TMEM128: variants seen among roughly 807,000 people sequenced by gnomAD.
TMEM128 encodes transmembrane protein 128.
Under a neutral mutation model 19.7 loss-of-function variants are expected in TMEM128, and 16 were observed. The observed-to-expected ratio is 0.81, with a 90% CI of 0.55 to 1.23. The LOEUF (loss-of-function observed/expected upper bound fraction) is 1.23. Ranked by LOEUF, TMEM128 falls within the 50% of genes most tolerant of loss-of-function variation. The pLI is 0.00. For missense variants in TMEM128, 237 were observed against 200.8 expected (o/e 1.18, Z -1.09); for synonymous variants, 98 against 75.8 (o/e 1.29, Z -1.52).
chr4:4,241,768 C>T (rs566598869), intron 2 of TMEM128, among the ~76,000 whole-genome samples: 66 of 152,314 alleles, frequency 4.3e-4, no homozygotes, highest in South Asian at 3.9e-3. Flanking sequence ...AATTACCTAA[C>T]CTCCGTGTGT....
intron 3 of TMEM128, among the ~76,000 whole-genome samples, chr4:4,239,422 T>C (rs2108815782): frequency 6.6e-6 from 1 of 152,166 alleles, no homozygotes; most frequent in African/African-American, 2.4e-5. Flanking sequence ...ACTATAAGGA[T>C]CCACTGAAAA....
At position 4,235,607 on chromosome 4, in the gene TMEM128, T is replaced by G. The variant is rs1717685485; in HGVS notation, c.*659A>C. 6.6e-6 allele frequency: 1 copy of G among 152,630 alleles called. No homozygotes were observed. Among genetic ancestry groups the G allele is most frequent in the Non-Finnish European group, 1.5e-5 (1 of 68,038 alleles). 9.5% of individuals were successfully genotyped at this position (152,630 alleles called of 1,614,324 possible). A position where few individuals can be genotyped will look rare whatever the true frequency, so the allele number is the denominator to read the frequency against. On this transcript the variant is annotated 3_prime_UTR_variant, in exon 5 of 5. Transcript: ENST00000382753. ...ATGTATACTTAAAAGTGATTAAAAC[T>G]TCACATTAGGAAATGCTAAAAACCC...
chr4:4,240,698 T>A (rs1463600969), intron 2 of TMEM128, among the ~76,000 whole-genome samples: 2 of 152,324 alleles, frequency 1.3e-5, no homozygotes, highest in African/African-American at 4.8e-5. Flanking sequence ...AAAGTAAGAC[T>A]TGAAATACAT....
At chr4:4,245,751 GATAT>G (rs965332344) in intron 2 of TMEM128, among the ~76,000 whole-genome samples, 1 of 151,336 alleles carries the variant, frequency 6.6e-6, no homozygotes. Flanking sequence ...GTGATGACTT[GATAT>G]ATATATACAC....
At chr4:4,244,509 C>T (rs1253661750) in intron 2 of TMEM128, among the ~76,000 whole-genome samples, 2 of 152,120 alleles carry the variant, frequency 1.3e-5, no homozygotes, top group Admixed American at 1.3e-4. Flanking sequence ...GTATCCATCC[C>T]TCTTTTCCCA....
At chr4:4,239,742 C>T (rs952397970) in intron 3 of TMEM128, among the ~76,000 whole-genome samples, 3 of 152,138 alleles carry the variant, frequency 2.0e-5, no homozygotes, top group Non-Finnish European at 2.9e-5. Context: ...TCACTGTTCC[C>T]GGCGACAATA....
intron 2 of TMEM128, among the ~76,000 whole-genome samples, chr4:4,242,541 G>A (rs11732870): frequency 0.31 from 46,800 of 150,126 alleles, 7,846 homozygotes; most frequent in East Asian, 0.46. Flanking sequence ...TTTTTGAGAC[G>A]GAGTCTCGCT....
At chr4:4,240,591 A>G in intron 2 of TMEM128, 112 bp from the exon 3 acceptor site, 14 of 1,203,788 alleles carry the variant, frequency 1.2e-5, no homozygotes, top group Non-Finnish European at 1.6e-5. Context: ...CAAGTGTTGC[A>G]GAGGGAGCCA....
intron 2 of TMEM128, 104 bp downstream of exon 2, chr4:4,246,098 G>A: frequency 8.3e-7 from 1 of 1,210,698 alleles, no homozygotes; most frequent in Non-Finnish European, 1.1e-6. Context: ...CACAGGGCCT[G>A]GCAGAGAGTA....
At chr4:4,244,395 TGAGCCTG>T (rs547668738) in intron 2 of TMEM128, among the ~76,000 whole-genome samples, 19 of 152,226 alleles carry the variant, frequency 1.2e-4, no homozygotes, top group Admixed American at 2.6e-4. Flanking sequence ...GAGGATCACT[TGAGCCTG>T]GGAAGTCAAG....
intron 2 of TMEM128, among the ~76,000 whole-genome samples, chr4:4,244,148 G>A (rs1242010573): frequency 4.6e-5 from 7 of 152,120 alleles, no homozygotes; most frequent in Non-Finnish European, 8.8e-5. Flanking sequence ...TCTGATGAAG[G>A]AAAGAGCAGC....
At chr4:4,243,414 T>TTGGGC (rs1453946895) in intron 2 of TMEM128, among the ~76,000 whole-genome samples, 2 of 152,178 alleles carry the variant, frequency 1.3e-5, no homozygotes, top group Non-Finnish European at 2.9e-5. Flanking sequence ...TGCTCTCCCA[T>TTGGGC]CTTTGAACAA....
intron 2 of TMEM128, among the ~76,000 whole-genome samples, chr4:4,244,166 G>A (rs1718072125): frequency 1.3e-5 from 2 of 152,144 alleles, no homozygotes; most frequent in Non-Finnish European, 2.9e-5. Context: ...AGCTGCTATT[G>A]GTGGTGGTTA....
chr4:4,246,402 C>T (rs1320951044), intron 1 of TMEM128, 59 bp from the exon 2 acceptor site: 18 of 1,508,778 alleles, frequency 1.2e-5, no homozygotes, highest in Non-Finnish European at 1.6e-5. Context: ...GGAAAAATTA[C>T]ACTTAAGCCA....
intron 4 of TMEM128, chr4:4,236,933 G>T: frequency 4.0e-6 from 1 of 247,192 alleles, no homozygotes; most frequent in South Asian, 3.8e-5. Context: ...TGACCTGACA[G>T]GAGGCACTAT....
At chr4:4,237,011 C>T in intron 4 of TMEM128, 2 of 446,036 alleles carry the variant, frequency 4.5e-6, no homozygotes, top group Admixed American at 2.5e-5. Context: ...TATTTAATAA[C>T]AGAGTTATCC....
intron 1 of TMEM128, 40 bp downstream of exon 1, chr4:4,248,066 C>T (rs1410222802): frequency 6.5e-7 from 1 of 1,532,910 alleles, no homozygotes. Flanking sequence ...TCCGACGCCT[C>T]GCCTCTGAGA....
At chr4:4,243,021 C>A (rs1718024179) in intron 2 of TMEM128, among the ~76,000 whole-genome samples, 1 of 152,092 alleles carries the variant, frequency 6.6e-6, no homozygotes, top group South Asian at 2.1e-4. Flanking sequence ...TGCACACAAG[C>A]CGAGTATTTT....
Position 4,246,269 on chromosome 4 carries a change from C to T in TMEM128, c.172G>A (p.Ala58Thr). The change falls in exon 2 of 5, where the codon GCA becomes ACA. Residue 58 changes from alanine (A) to threonine (T), a missense_variant. By Grantham distance (58) the Ala-to-Thr change is moderately conservative (BLOSUM62 0). Transcript: ENST00000382753. ...LNIHSGFWIL[A>T]SIVVTYYVDF... ...ACATAATAGGTCACAACAATGGATG[C>T]CAAAATCCAGAATCCAGAATGGATA... The T allele has an allele frequency of 6.2e-7, 1 of 1,612,600 alleles. No homozygotes were observed. Among genetic ancestry groups the T allele is most frequent in the Middle Eastern group, 1.7e-4 (1 of 6,052 alleles).
Sources: gnomAD v4.1 joint callset for allele counts (sites outside exome capture counted in the v4.1 genomes callset) on GRCh38, gnomAD v4.1.1 for gene constraint, MANE v1.5 for transcripts, NCBI Gene and HGNC (gene_info 2026-07-23, HGNC 2026-07-21) for gene names.